JAKMIP1: variants seen among roughly 807,000 people sequenced by gnomAD.
JAKMIP1 encodes janus kinase and microtubule interacting protein 1, also known as janus kinase and microtubule-interacting protein 1.
Under a neutral mutation model 113.0 loss-of-function variants are expected in JAKMIP1, and 33 were observed. That is an observed-to-expected ratio of 0.29 (90% CI 0.22 to 0.39). The LOEUF (loss-of-function observed/expected upper bound fraction) is 0.39, where lower values mean the gene tolerates loss of function less well. Ranked by LOEUF, JAKMIP1 falls within the 10% of genes least tolerant of loss-of-function variation. The pLI is 1.00. For missense variants in JAKMIP1, 813 were observed against 1,080.5 expected, an observed-to-expected ratio of 0.75 and a Z score of 3.47; for synonymous variants, 480 against 459.9, an observed-to-expected ratio of 1.04 and a Z score of -0.56.
intron 3 of JAKMIP1, among the ~76,000 whole-genome samples, chr4:6,100,026 C>T (rs1230148125): frequency 1.3e-5 from 2 of 152,156 alleles, no homozygotes; most frequent in Admixed American, 6.6e-5. Flanking sequence ...TATAAATATG[C>T]TCCTTTTAAA....
intron 1 of JAKMIP1, among the ~76,000 whole-genome samples, chr4:6,125,482 A>G (rs995274020): frequency 5.9e-5 from 9 of 152,074 alleles, no homozygotes; most frequent in African/African-American, 1.9e-4. Flanking sequence ...TCTGCACCCA[A>G]CAGACACCTG....
chr4:6,038,969 T>G (rs56183015), intron 18 of JAKMIP1, among the ~76,000 whole-genome samples: 34,771 of 152,240 alleles, frequency 0.23, 5,249 homozygotes, highest in Non-Finnish European at 0.32. Context: ...GGCCCCAGCA[T>G]GGACACATGG....
chr4:6,196,244 A>T (rs1163027513), intron 1 of JAKMIP1, among the ~76,000 whole-genome samples: 1 of 152,160 alleles, frequency 6.6e-6, no homozygotes, highest in Non-Finnish European at 1.5e-5. Context: ...TGCATCTAAT[A>T]GTGACTGTGG....
At chr4:6,092,905 A>T (rs185936208) in intron 3 of JAKMIP1, among the ~76,000 whole-genome samples, 14 of 152,342 alleles carry the variant, frequency 9.2e-5, no homozygotes, top group Admixed American at 9.1e-4. Flanking sequence ...TGCCAGAAAT[A>T]GTTCACACTT....
chr4:6,117,892 C>G (rs1024412601), intron 1 of JAKMIP1, among the ~76,000 whole-genome samples: 6 of 152,246 alleles, frequency 3.9e-5, no homozygotes, highest in African/African-American at 1.4e-4. Flanking sequence ...AAGGTTCTCT[C>G]TCTTATTCCC....
intron 3 of JAKMIP1, among the ~76,000 whole-genome samples, chr4:6,092,702 T>C (rs941253394): frequency 2.0e-5 from 3 of 152,194 alleles, no homozygotes; most frequent in Admixed American, 1.3e-4. Context: ...AGGCAGAGAA[T>C]AGAAAACCTT....
In JAKMIP1 at chr4:6,186,527, G is replaced by C. The variant is rs1343527432; in HGVS notation, c.-148+13726C>G. 6.6e-6 allele frequency among the ~76,000 whole-genome samples: 1 copy of C among 152,276 alleles called. No individual in the cohort carries two copies. The highest frequency in any genetic ancestry group is 1.9e-4 in the East Asian group (1 of 5,186). On this transcript the variant is annotated intron_variant, in intron 1 of 20. Transcript: ENST00000409021. This position sits in a 1 kb window ranked among gnomAD's most constrained non-coding sequence, Gnocchi z 5.5. ...TCATTGCATTGTAGTCACAGAACGT[G>C]CTTTGCTTTTTTGTTTGCTTGTTTT... is the stretch of plus-strand genomic sequence containing the variant.
rs1718139713 is a variant in JAKMIP1 at position 6,129,010 on chromosome 4, C to A, written c.-147-16013G>T. Among the ~76,000 whole-genome samples, 1 of 152,240 alleles carries A rather than the reference C, an allele frequency of 6.6e-6. No individual in the cohort carries two copies. The highest frequency in any genetic ancestry group is 1.5e-5 in the Non-Finnish European group (1 of 68,046). ...TGCAACCTTCAGAGCTCCTTCCACA[C>A]CATCAGGTTTAGTTGAATCTCCAGT... On this transcript the variant is annotated intron_variant, in intron 1 of 20. Transcript: ENST00000409021. The surrounding 1 kb of genome is among the most constrained non-coding windows in gnomAD (Gnocchi z 5.4).
In JAKMIP1 at chr4:6,112,959, T is replaced by A. The variant is rs1369832546; in HGVS notation, c.-109A>T. On this transcript the variant is annotated 5_prime_UTR_variant, in exon 2 of 21. Coordinates refer to ENST00000409021, the MANE Select transcript of JAKMIP1 (RefSeq NM_001099433.2). The stretch of plus-strand genomic sequence containing the variant: ...ACCGTGCTAACCAGTCGCGCAGGAC[T>A]CAGCTCGCCCTCCGAGGAAACCACC... 1 of 1,426,980 alleles carries A rather than the reference T, an allele frequency of 7.0e-7. No individual in the cohort carries two copies. Among genetic ancestry groups the A allele is most frequent in the African/African-American group, 1.4e-5 (1 of 69,824 alleles). The allele number at this position is 1,426,980 out of a possible 1,614,324, so 88.4% of individuals were successfully genotyped here. A position where few individuals can be genotyped will look rare whatever the true frequency, so the allele number is the denominator to read the frequency against.
At chr4:6,119,546 AAAAC>A (rs965988170) in intron 1 of JAKMIP1, among the ~76,000 whole-genome samples, 23 of 145,656 alleles carry the variant, frequency 1.6e-4, no homozygotes, top group African/African-American at 5.5e-4. Context: ...CTCCGTCTCA[AAAAC>A]AAACAAACAA....
rs73075472 is a variant in JAKMIP1 at position 6,162,209 on chromosome 4, G to A, written c.-148+38044C>T. On this transcript the variant is annotated intron_variant, in intron 1 of 20. Transcript: ENST00000409021. This position sits in a 1 kb window ranked among gnomAD's most constrained non-coding sequence, Gnocchi z 5.6. Reference sequence around the variant, plus strand: ...CGTCCCACTAGAGGGCAGTGGGAGCGACTGCAGACCACTGGTCTTATGAGG... The same window carrying A: ...CGTCCCACTAGAGGGCAGTGGGAGCAACTGCAGACCACTGGTCTTATGAGG... 0.022 allele frequency among the ~76,000 whole-genome samples: 3,293 copies of A among 152,214 alleles called. 117 individuals are homozygous for A. Among genetic ancestry groups the A allele is most frequent in the African/African-American group, 0.07 (2,890 of 41,522 alleles).
rs1197633400 is a variant in JAKMIP1, at chr4:6,197,699, G to GA, written c.-148+2553dup. On this transcript the variant is annotated intron_variant, in intron 1 of 20. Coordinates refer to ENST00000409021, the MANE Select transcript of JAKMIP1 (RefSeq NM_001099433.2). This position sits in a 1 kb window ranked among gnomAD's most constrained non-coding sequence, Gnocchi z 6.5. The stretch of plus-strand genomic sequence containing the variant: ...CCCAAGGGAAGCCCCCATTTAGTTA[G>GA]AAAGCCCAGCAGGGAGGCACTTGCC... 6.6e-6 allele frequency among the ~76,000 whole-genome samples: 1 copy of GA among 152,216 alleles called. No individual in the cohort carries two copies. Among genetic ancestry groups the GA allele is most frequent in the Non-Finnish European group, 1.5e-5 (1 of 68,040 alleles).
chr4:6,118,015 C>T (rs554493726), intron 1 of JAKMIP1, among the ~76,000 whole-genome samples: 228 of 152,240 alleles, frequency 1.5e-3, no homozygotes, highest in Non-Finnish European at 2.3e-3. Flanking sequence ...GGTCCTGAGA[C>T]GATACATATC....
rs758502165 is a variant in JAKMIP1 at position 6,141,408 on chromosome 4, C to T, written c.-147-28411G>A. 3.3e-5 allele frequency among the ~76,000 whole-genome samples: 5 copies of T among 151,774 alleles called. No individual in the cohort carries two copies. The highest frequency in any genetic ancestry group is 6.5e-5 in the Admixed American group (1 of 15,296). On this transcript the variant is annotated intron_variant, in intron 1 of 20. Coordinates refer to ENST00000409021, the MANE Select transcript of JAKMIP1 (RefSeq NM_001099433.2). The surrounding 1 kb of genome is among the most constrained non-coding windows in gnomAD (Gnocchi z 9.4). ...CCGAGATCCTGCTACTGCACCCCAG[C>T]CTGGGCGACAGAGTGAAACCCTGTC...
chr4:6,045,007 T>C (rs1240635170), intron 16 of JAKMIP1, among the ~76,000 whole-genome samples: 2 of 152,232 alleles, frequency 1.3e-5, no homozygotes, highest in African/African-American at 4.8e-5. Context: ...GGGGGCAGCA[T>C]GCTGCAGGGT....
chr4:6,096,021 G>A (rs889250190), intron 3 of JAKMIP1, among the ~76,000 whole-genome samples: 1 of 152,198 alleles, frequency 6.6e-6, no homozygotes, highest in African/African-American at 2.4e-5. Flanking sequence ...AGGCCTCCCT[G>A]AACAAGGGAC....
intron 1 of JAKMIP1, among the ~76,000 whole-genome samples, chr4:6,149,078 T>C (rs1050812361): frequency 2.0e-5 from 3 of 152,132 alleles, no homozygotes; most frequent in Non-Finnish European, 4.4e-5. Flanking sequence ...CAGGAAACAG[T>C]GGCCGGGTTT....
intron 3 of JAKMIP1, 45 bp downstream of exon 3, chr4:6,105,428 A>T: frequency 1.3e-6 from 2 of 1,518,388 alleles, no homozygotes; most frequent in Non-Finnish European, 1.8e-6. Context: ...GCGTGCAGGG[A>T]GGGAAGGCCG....
chr4:6,049,894 C>A lies in JAKMIP1; in HGVS notation c.1909-22G>T. ...CATCCTGGAAGAGATTTCCAACGTTCATTTTTGTGTGAGCTACAGAGACCA... is the reference window on the plus strand; with the variant it reads ...CATCCTGGAAGAGATTTCCAACGTTAATTTTTGTGTGAGCTACAGAGACCA... On this transcript the variant is annotated intron_variant, in intron 14 of 20. Transcript: ENST00000409021. This position sits in a 1 kb window ranked among gnomAD's most constrained non-coding sequence, Gnocchi z 7.0. 1 of 1,591,728 alleles carries A rather than the reference C, an allele frequency of 6.3e-7. No individual in the cohort carries two copies. The highest frequency in any genetic ancestry group is 8.6e-7 in the Non-Finnish European group (1 of 1,160,420).
Sources: allele counts gnomAD v4.1 joint callset (sites outside exome capture counted in the v4.1 genomes callset), GRCh38; gene constraint gnomAD v4.1.1; non-coding constraint Gnocchi (gnomAD v3.1); transcripts MANE v1.5; gene names NCBI Gene and HGNC (gene_info 2026-07-23, HGNC 2026-07-21).